Variants in NAALADL2 observed in about 807,000 individuals in gnomAD.
NAALADL2 encodes N-acetylated alpha-linked acidic dipeptidase like 2, also known as inactive N-acetylated-alpha-linked acidic dipeptidase-like protein 2.
A neutral mutation model predicts 87.2 loss-of-function variants in NAALADL2; 76 were observed. The ratio of observed to expected loss-of-function variants is 0.87; its 90% CI spans 0.72 to 1.05. NAALADL2 has a LOEUF of 1.05. NAALADL2 is among the 50% of genes least tolerant of loss of function. NAALADL2 has a pLI of 0.00. For synonymous variants in NAALADL2, 354 were observed against 331.0 expected, an observed-to-expected ratio of 1.07 and a Z score of -0.75; for missense variants, 1,089 against 945.8, an observed-to-expected ratio of 1.15 and a Z score of -1.99.
chr3:175,335,167 C>T (rs1228588820), intron 5 of NAALADL2, among the ~76,000 whole-genome samples: 1 of 151,922 alleles, frequency 6.6e-6, no homozygotes, highest in African/African-American at 2.4e-5. Flanking sequence ...CTGTGCTGTC[C>T]AATATGATAG....
intron 2 of NAALADL2, among the ~76,000 whole-genome samples, chr3:175,232,992 C>G (rs1456340502): frequency 6.6e-6 from 1 of 152,034 alleles, no homozygotes; most frequent in Non-Finnish European, 1.5e-5. Flanking sequence ...ACAGATTTGT[C>G]TGGCTTCTAG....
intron 1 of NAALADL2, among the ~76,000 whole-genome samples, chr3:174,963,886 T>C (rs1317984461): frequency 6.6e-6 from 1 of 152,094 alleles, no homozygotes; most frequent in Admixed American, 6.6e-5. Flanking sequence ...TTTCAATTAT[T>C]TACATGAAGA....
At chr3:175,704,997 T>A (rs1474127859) in intron 11 of NAALADL2, among the ~76,000 whole-genome samples, 1 of 152,204 alleles carries the variant, frequency 6.6e-6, no homozygotes, top group African/African-American at 2.4e-5. Flanking sequence ...TATTTGCCCC[T>A]ACATTTGAAA....
At chr3:175,626,815 C>T (rs1028034985) in intron 10 of NAALADL2, among the ~76,000 whole-genome samples, 7 of 151,840 alleles carry the variant, frequency 4.6e-5, no homozygotes, top group Non-Finnish European at 1.0e-4. Context: ...ATCTGTTCTA[C>T]ACTCAGTATA....
At chr3:174,533,353 T>C (rs1321006415) in intron 1 of NAALADL2, among the ~76,000 whole-genome samples, 1 of 151,998 alleles carries the variant, frequency 6.6e-6, no homozygotes, top group South Asian at 2.1e-4. Context: ...ATTCCTAACA[T>C]AGGAAAAGAG....
chr3:174,859,310 G>A (rs1726182743), upstream of NAALADL2: 1 of 866,058 alleles, frequency 1.2e-6, no homozygotes, highest in African/African-American at 1.7e-5. Flanking sequence ...GTAGTATACT[G>A]TTACAATACT....
Position 174,466,339 on chromosome 3 carries a change from A to G in NAALADL2, c.-184+25307A>G, listed in dbSNP as rs180703967. On this transcript the variant is annotated intron_variant, in intron 1 of 3. Coordinates refer to the NAALADL2 transcript ENST00000434257. ...CAGTGTATTTTATGTGTGGCCCAAGACAATTCTTCTTCTTCCAGTGTGTCC... is the reference window on the plus strand; with the variant it reads ...CAGTGTATTTTATGTGTGGCCCAAGGCAATTCTTCTTCTTCCAGTGTGTCC... Among the ~76,000 whole-genome samples, 257 of 144,666 alleles carry G rather than the reference A, an allele frequency of 1.8e-3. 1 individual carries two copies. Among genetic ancestry groups the G allele is most frequent in the African/African-American group, 6.6e-3 (251 of 38,098 alleles). The allele number at this position is 144,666 out of a possible 152,430, so 94.9% of individuals were successfully genotyped here.
At chr3:175,212,197 A>G (rs940012291) in intron 2 of NAALADL2, among the ~76,000 whole-genome samples, 1 of 152,072 alleles carries the variant, frequency 6.6e-6, no homozygotes, top group African/African-American at 2.4e-5. Context: ...AGATTCCTAT[A>G]TGGTGCCCAT....
intron 1 of NAALADL2, among the ~76,000 whole-genome samples, chr3:174,868,613 G>A (rs749101440): frequency 6.6e-6 from 1 of 150,828 alleles, no homozygotes; most frequent in African/African-American, 2.4e-5. Flanking sequence ...GGTTAAATTG[G>A]TGTTTGCTTG....
intron 1 of NAALADL2, among the ~76,000 whole-genome samples, chr3:174,509,654 C>G (rs1719469230): frequency 7.2e-6 from 1 of 139,246 alleles, no homozygotes. Flanking sequence ...TCTTGATCTC[C>G]TGACCTCGTA....
In NAALADL2 at chr3:174,672,505, G is replaced by A. The variant is rs554992655; in HGVS notation, c.-114-65136G>A. Among the ~76,000 whole-genome samples the A allele has an allele frequency of 2.0e-5, 3 of 152,084 alleles. No individual in the cohort carries two copies. In the South Asian group the frequency reaches 6.2e-4, roughly 32 times the overall value. On this transcript the variant is annotated intron_variant, in intron 2 of 3. Coordinates refer to the NAALADL2 transcript ENST00000434257. ...TGGATCTTATGTTCTAGCAAGATAAGTAAATAAATTAATGTAGTATAAGAT... is the reference window on the plus strand; with the variant it reads ...TGGATCTTATGTTCTAGCAAGATAAATAAATAAATTAATGTAGTATAAGAT...
At chr3:174,573,630 C>A (rs1003488569) in intron 2 of NAALADL2, among the ~76,000 whole-genome samples, 7 of 151,896 alleles carry the variant, frequency 4.6e-5, no homozygotes, top group African/African-American at 1.5e-4. Context: ...AGAAAGTGAA[C>A]AAGAGCAGGT....
rs548900434 is a variant in NAALADL2 at position 175,254,343 on chromosome 3, T to C, written c.820-2068T>C. ...AACACTCAGACCAATAAAGTATTTT[T>C]AAATTTGTTTTAGACATAATGCTAC... is the stretch of plus-strand genomic sequence containing the variant. On this transcript the variant is annotated intron_variant, in intron 3 of 13. Transcript: ENST00000454872. 2.0e-3 allele frequency among the ~76,000 whole-genome samples: 308 copies of C among 152,320 alleles called. 1 individual carries two copies. In the Middle Eastern group the frequency reaches 0.027, roughly 13 times the overall value.
chr3:175,248,297 G>A (rs1474737357), intron 3 of NAALADL2, among the ~76,000 whole-genome samples: 1 of 152,080 alleles, frequency 6.6e-6, no homozygotes, highest in African/African-American at 2.4e-5. Flanking sequence ...TCTTCTCTTT[G>A]AACTGTTGTC....
intron 1 of NAALADL2, among the ~76,000 whole-genome samples, chr3:174,479,672 A>C (rs1717436021): frequency 6.6e-6 from 1 of 152,104 alleles, no homozygotes; most frequent in South Asian, 2.1e-4. Context: ...CTAGTAACCA[A>C]GTGTAAGCTA....
intron 11 of NAALADL2, among the ~76,000 whole-genome samples, chr3:175,705,041 A>T (rs1312571442): frequency 1.3e-5 from 2 of 152,208 alleles, no homozygotes; most frequent in Non-Finnish European, 2.9e-5. Context: ...AAGACATCCC[A>T]GATGGAGAGC....
intron 10 of NAALADL2, among the ~76,000 whole-genome samples, chr3:175,594,173 C>T (rs186541104): frequency 6.6e-5 from 10 of 152,102 alleles, no homozygotes; most frequent in Non-Finnish European, 1.3e-4. Flanking sequence ...AAATAGTCCT[C>T]AGTGTCTATT....
At chr3:174,477,468 C>T (rs957093527) in intron 1 of NAALADL2, among the ~76,000 whole-genome samples, 3 of 152,094 alleles carry the variant, frequency 2.0e-5, no homozygotes, top group Non-Finnish European at 2.9e-5. Flanking sequence ...CAGCCACTTG[C>T]TATAGGTGTA....
At chr3:174,960,922 A>T (rs7433498) in intron 1 of NAALADL2, among the ~76,000 whole-genome samples, 1 of 151,276 alleles carries the variant, frequency 6.6e-6, no homozygotes, top group Non-Finnish European at 1.5e-5. Flanking sequence ...ATATAGTTCC[A>T]GCTACTTAAG....
Sources: allele counts gnomAD v4.1 joint callset (sites outside exome capture counted in the v4.1 genomes callset), GRCh38; gene constraint gnomAD v4.1.1; transcripts MANE v1.5; gene names NCBI Gene and HGNC (gene_info 2026-07-23, HGNC 2026-07-21).